NRXN1: variants seen among roughly 807,000 people sequenced by gnomAD.
NRXN1 encodes neurexin 1.
In NRXN1, 39 loss-of-function variants were observed where a neutral mutation model predicts 150.9. The observed-to-expected ratio is 0.26, with a 90% CI of 0.20 to 0.34. The LOEUF (loss-of-function observed/expected upper bound fraction) is 0.34. Ranked by LOEUF, NRXN1 falls within the 10% of genes least tolerant of loss-of-function variation. NRXN1 has a pLI of 1.00. For synonymous variants in NRXN1, 924 were observed against 757.0 expected (o/e 1.22, Z -3.62); for missense variants, 1,815 against 1,949.9 (o/e 0.93, Z 1.30).
intron 2 of NRXN1, among the ~76,000 whole-genome samples, chr2:51,020,734 A>G (rs1176329975): frequency 3.3e-5 from 5 of 151,982 alleles, no homozygotes; most frequent in Admixed American, 6.6e-5. Context: ...TGATGGTGTT[A>G]TTTTACTTTT....
At chr2:50,081,361 G>A (rs1257787021) in intron 19 of NRXN1, among the ~76,000 whole-genome samples, 9 of 152,144 alleles carry the variant, frequency 5.9e-5, no homozygotes, top group Non-Finnish European at 8.8e-5. Flanking sequence ...GGTGGATCAC[G>A]AGGTCAAGAG....
At chr2:50,316,231 G>C (rs2075593441) in intron 17 of NRXN1, among the ~76,000 whole-genome samples, 1 of 152,010 alleles carries the variant, frequency 6.6e-6, no homozygotes, top group Non-Finnish European at 1.5e-5. Flanking sequence ...ATAAAAATGA[G>C]CAGTGGAAGT....
intron 18 of NRXN1, among the ~76,000 whole-genome samples, chr2:50,128,678 T>C (rs1457242991): frequency 6.6e-6 from 1 of 152,054 alleles, no homozygotes; most frequent in Non-Finnish European, 1.5e-5. Context: ...ATAAGCAGGA[T>C]GTTAAAAACT....
intron 5 of NRXN1, among the ~76,000 whole-genome samples, chr2:50,635,643 A>G (rs1683130020): frequency 6.6e-6 from 1 of 152,144 alleles, no homozygotes; most frequent in Admixed American, 6.5e-5. Flanking sequence ...ATGTGATTCT[A>G]TAGTTTCTTC....
chr2:50,108,652 T>A (rs1701985319), intron 18 of NRXN1, among the ~76,000 whole-genome samples: 1 of 152,146 alleles, frequency 6.6e-6, no homozygotes, highest in African/African-American at 2.4e-5. Flanking sequence ...ATTTTTGAGA[T>A]ATTTTTAAAA....
chr2:50,710,441 A>C (rs2105036831), intron 5 of NRXN1, among the ~76,000 whole-genome samples: 1 of 152,258 alleles, frequency 6.6e-6, no homozygotes, highest in South Asian at 2.1e-4. Context: ...CACAGAGAGG[A>C]TCTTATAAAC....
chr2:50,741,498 AATTT>A (rs1478742817), intron 5 of NRXN1, among the ~76,000 whole-genome samples: 3 of 152,144 alleles, frequency 2.0e-5, no homozygotes, highest in Admixed American at 1.3e-4. Context: ...GAATGTATAT[AATTT>A]ATTTGACATT....
rs572272438 is a variant in NRXN1, at chr2:50,515,625, G to T, written c.2375-9008C>A. Among the ~76,000 whole-genome samples, 4 of 151,918 alleles carry T rather than the reference G, an allele frequency of 2.6e-5. No homozygotes were observed. In the East Asian group the frequency reaches 7.7e-4, roughly 29 times the overall value. ...GGTGTGTGTGTGTGTGTGTGTGTGT[G>T]TGTGTGTGTGTGTGTGTCTGCATGC... On this transcript the variant is annotated intron_variant, in intron 12 of 22. Transcript: ENST00000401669.
chr2:50,201,511 T>C lies in NRXN1; in HGVS notation c.3546+35278A>G, dbSNP rs187772093. Among the ~76,000 whole-genome samples the C allele has an allele frequency of 7.2e-5, 11 of 152,316 alleles. No homozygotes were observed. In the East Asian group the frequency reaches 2.1e-3, roughly 29 times the overall value. ...ACGTAACATGAGGGAAAGTAATGCA[T>C]TAGTACTGTTCTAAAGTTATTCATG... On this transcript the variant is annotated intron_variant, in intron 18 of 22. Coordinates refer to ENST00000401669, the MANE Select transcript of NRXN1 (RefSeq NM_001330078.2).
At chr2:50,196,383 A>G (rs1012310820) in intron 18 of NRXN1, among the ~76,000 whole-genome samples, 1 of 152,140 alleles carries the variant, frequency 6.6e-6, no homozygotes, top group African/African-American at 2.4e-5. Context: ...AACACCATCA[A>G]AAATTGTATG....
chr2:50,088,523 A>G (rs1699114804), intron 19 of NRXN1, among the ~76,000 whole-genome samples: 2 of 152,110 alleles, frequency 1.3e-5, no homozygotes, highest in South Asian at 4.1e-4. Context: ...CTCTTGGTTT[A>G]TTTATATTTT....
intron 17 of NRXN1, among the ~76,000 whole-genome samples, chr2:50,270,465 TA>T (rs1408960171): frequency 1.3e-5 from 2 of 152,134 alleles, no homozygotes; most frequent in Non-Finnish European, 2.9e-5. Flanking sequence ...CAAAAGGATT[TA>T]AAATTGGAGA....
At chr2:50,335,480 A>G (rs780195380) in intron 17 of NRXN1, among the ~76,000 whole-genome samples, 5 of 152,124 alleles carry the variant, frequency 3.3e-5, no homozygotes, top group Non-Finnish European at 5.9e-5. Context: ...AAAAGGTGCA[A>G]TCATTTTCCT....
chr2:50,156,276 G>C lies in NRXN1; in HGVS notation c.3547-64782C>G, dbSNP rs533701023. ...CTCTCTCTAGGTAGTAAAACCAAGG[G>C]CTAAGTCTTTTTAGAGGCCCCATTA... is the stretch of plus-strand genomic sequence containing the variant. On this transcript the variant is annotated intron_variant, in intron 18 of 22. Coordinates refer to ENST00000401669, the MANE Select transcript of NRXN1 (RefSeq NM_001330078.2). 3.3e-5 allele frequency among the ~76,000 whole-genome samples: 5 copies of C among 151,924 alleles called. No individual in the cohort carries two copies. In the South Asian group the frequency reaches 1.0e-3, roughly 31 times the overall value.
At chr2:50,123,222 A>T (rs1490823077) in intron 18 of NRXN1, among the ~76,000 whole-genome samples, 2 of 152,174 alleles carry the variant, frequency 1.3e-5, no homozygotes, top group Non-Finnish European at 2.9e-5. Context: ...TGAAATATAT[A>T]ATGTGAGAGA....
chr2:50,980,746 T>G (rs1004597699), intron 2 of NRXN1, among the ~76,000 whole-genome samples: 1 of 152,182 alleles, frequency 6.6e-6, no homozygotes, highest in East Asian at 1.9e-4. Flanking sequence ...AGTTGCCATA[T>G]GATAAAGTGA....
At chr2:50,227,267 T>C (rs2064482071) in intron 18 of NRXN1, among the ~76,000 whole-genome samples, 1 of 152,060 alleles carries the variant, frequency 6.6e-6, no homozygotes, top group Non-Finnish European at 1.5e-5. Context: ...TCCGTGTCTA[T>C]AATTTTAATA....
At chr2:50,196,189 T>C (rs1483649252) in intron 18 of NRXN1, among the ~76,000 whole-genome samples, 4 of 152,100 alleles carry the variant, frequency 2.6e-5, no homozygotes, top group East Asian at 1.9e-4. Flanking sequence ...GCTGTCATTG[T>C]TCAGCTCCCA....
chr2:50,502,731 T>G (rs2104964024), intron 13 of NRXN1, among the ~76,000 whole-genome samples: 1 of 152,328 alleles, frequency 6.6e-6, no homozygotes, highest in South Asian at 2.1e-4. Flanking sequence ...TCACACTTTA[T>G]AAAATGTGCA....
Sources: gnomAD v4.1 joint callset for allele counts (sites outside exome capture counted in the v4.1 genomes callset) on GRCh38, gnomAD v4.1.1 for gene constraint, MANE v1.5 for transcripts, NCBI Gene and HGNC (gene_info 2026-07-23, HGNC 2026-07-21) for gene names.